Variants in NRG3 observed in about 807,000 individuals in gnomAD.
The protein encoded by NRG3 is pro-neuregulin-3, membrane-bound isoform.
A neutral mutation model predicts 66.9 loss-of-function variants in NRG3; 31 were observed. The observed-to-expected ratio is 0.46, with a 90% CI of 0.35 to 0.63. The LOEUF (loss-of-function observed/expected upper bound fraction) is 0.63, where lower values mean the gene tolerates loss of function less well. Ranked by LOEUF, NRG3 falls within the 20% of genes least tolerant of loss-of-function variation. The probability of loss-of-function intolerance (pLI) is 0.00; values close to 1 mark genes in which losing one functional copy is unlikely to be tolerated. For synonymous variants in NRG3, 393 were observed against 359.4 expected (o/e 1.09, Z -1.06); for missense variants, 910 against 878.9 (o/e 1.04, Z -0.45).
chr10:82,231,334 A>C (rs953796964), intron 1 of NRG3, among the ~76,000 whole-genome samples: 1 of 152,162 alleles, frequency 6.6e-6, no homozygotes, highest in Non-Finnish European at 1.5e-5. Context: ...GGGTGACAAG[A>C]GCGAGACTCC....
intron 1 of NRG3, among the ~76,000 whole-genome samples, chr10:81,924,507 G>C (rs1436879285): frequency 6.6e-6 from 1 of 152,168 alleles, no homozygotes; most frequent in East Asian, 1.9e-4. Context: ...AAGTTTTCTT[G>C]TGAGCTGTTC....
chr10:82,649,459 CTTTTTTT>C lies in NRG3; in HGVS notation c.954-89097_954-89091del, dbSNP rs71469930. On this transcript the variant is annotated intron_variant, in intron 2 of 8. Transcript: ENST00000372141. ...GCAGTATTGTGCTTTCTGGTGCAGGCTTTTTTTTTTTTTTTTTTTTTTTTTTTCTGAG... is the reference window on the plus strand; with the variant it reads ...GCAGTATTGTGCTTTCTGGTGCAGGCTTTTTTTTTTTTTTTTTTTTCTGAG... Among the ~76,000 whole-genome samples, 318 of 48,782 alleles carry C rather than the reference CTTTTTTT, an allele frequency of 6.5e-3. 3 individuals are homozygous for C. The highest frequency in any genetic ancestry group is 0.028 in the Middle Eastern group (1 of 36). The allele number at this position is 48,782 out of a possible 152,430, so 32.0% of individuals were successfully genotyped here.
intron 2 of NRG3, among the ~76,000 whole-genome samples, chr10:82,430,777 G>T (rs971149306): frequency 5.3e-5 from 8 of 152,070 alleles, no homozygotes; most frequent in African/African-American, 1.9e-4. Flanking sequence ...GTCAGCTAAT[G>T]GTTGGAATAT....
intron 4 of NRG3, among the ~76,000 whole-genome samples, chr10:82,885,750 C>T (rs1054761923): frequency 2.2e-4 from 33 of 152,142 alleles, no homozygotes; most frequent in African/African-American, 7.5e-4. Flanking sequence ...CCTTTTGAGA[C>T]GGGGTTTCAC....
rs78693924 is a variant in NRG3 at position 81,915,496 on chromosome 10, GT to G, written c.823+39347del. 1.8e-3 allele frequency among the ~76,000 whole-genome samples: 232 copies of G among 130,604 alleles called. 3 individuals are homozygous for G. Among genetic ancestry groups the G allele is most frequent in the Non-Finnish European group, 2.4e-3 (152 of 63,132 alleles). The allele number at this position is 130,604 out of a possible 152,430, so 85.7% of individuals were successfully genotyped here. A position where few individuals can be genotyped will look rare whatever the true frequency, so the allele number is the denominator to read the frequency against. On this transcript the variant is annotated intron_variant, in intron 1 of 8. Transcript: ENST00000372141. ...GTTAAAGTCAGCTCACACTTCTTTA[GT>G]TTTTTTTTTTTTTGCCAAAACACAA...
At chr10:82,649,229 C>T (rs975769270) in intron 2 of NRG3, among the ~76,000 whole-genome samples, 2 of 152,110 alleles carry the variant, frequency 1.3e-5, no homozygotes, top group Non-Finnish European at 2.9e-5. Context: ...AAAATGTTTG[C>T]ATTTCAAAGA....
chr10:82,461,333 A>ACCG, intron 2 of NRG3, among the ~76,000 whole-genome samples: 1 of 151,904 alleles, frequency 6.6e-6, no homozygotes, highest in Non-Finnish European at 1.5e-5. Context: ...CACCACCACC[A>ACCG]CCATCACCAC....
At chr10:81,878,907 G>T (rs1841928571) in intron 1 of NRG3, among the ~76,000 whole-genome samples, 2 of 152,188 alleles carry the variant, frequency 1.3e-5, no homozygotes, top group Non-Finnish European at 2.9e-5. Context: ...TCTCTTTGGA[G>T]TGGAAGAGGC....
chr10:81,974,904 ACC>A (rs1212464974), intron 1 of NRG3, among the ~76,000 whole-genome samples: 1 of 152,144 alleles, frequency 6.6e-6, no homozygotes, highest in East Asian at 1.9e-4. Flanking sequence ...TTGTTTAGCC[ACC>A]TGACTTTTAG....
At chr10:82,013,947 C>G (rs945374397) in intron 1 of NRG3, among the ~76,000 whole-genome samples, 19 of 152,006 alleles carry the variant, frequency 1.2e-4, no homozygotes, top group African/African-American at 4.3e-4. Flanking sequence ...TGGTGATGTG[C>G]AAGTCAATAG....
At chr10:81,931,090 A>G (rs1326193418) in intron 1 of NRG3, among the ~76,000 whole-genome samples, 1 of 152,208 alleles carries the variant, frequency 6.6e-6, no homozygotes, top group African/African-American at 2.4e-5. Flanking sequence ...AAGTTTCAGC[A>G]AACTTCCCTG....
At chr10:82,721,074 T>A in intron 2 of NRG3, among the ~76,000 whole-genome samples, 1 of 150,292 alleles carries the variant, frequency 6.7e-6, no homozygotes, top group East Asian at 1.9e-4. Flanking sequence ...TTATTTTTAT[T>A]TATTTGTTTT....
At chr10:82,919,073 GTGTGTGTGTGTGTGTGTGTGTGTGTGTA>G in intron 4 of NRG3, among the ~76,000 whole-genome samples, 1 of 147,842 alleles carries the variant, frequency 6.8e-6, no homozygotes, top group Non-Finnish European at 1.5e-5. Context: ...GTGTGTGTGT[GTGTGTGTGTGTGTGTGTGTGTGTGTGTA>G]TGTGTGTGTG....
intron 1 of NRG3, among the ~76,000 whole-genome samples, chr10:82,214,116 T>A (rs2075545916): frequency 6.6e-6 from 1 of 152,174 alleles, no homozygotes; most frequent in Non-Finnish European, 1.5e-5. Flanking sequence ...AAATATTCAC[T>A]GAGACTCCCT....
At chr10:82,894,093 C>T (rs73309587) in intron 4 of NRG3, among the ~76,000 whole-genome samples, 10,065 of 152,184 alleles carry the variant, frequency 0.066, 552 homozygotes, top group African/African-American at 0.15. Context: ...AAAGAGGAAA[C>T]ATCCCAAAAT....
chr10:82,566,832 G>T (rs1350164043), intron 2 of NRG3, among the ~76,000 whole-genome samples: 1 of 151,936 alleles, frequency 6.6e-6, no homozygotes, highest in Non-Finnish European at 1.5e-5. Flanking sequence ...GAAACATAAT[G>T]GGCTTTGTTA....
intron 1 of NRG3, among the ~76,000 whole-genome samples, chr10:82,115,897 C>A (rs1309379837): frequency 1.3e-5 from 2 of 152,084 alleles, no homozygotes; most frequent in Non-Finnish European, 2.9e-5. Context: ...TCCAACTCTC[C>A]TACATGGATG....
At chr10:82,493,575 G>C (rs11194695) in intron 2 of NRG3, among the ~76,000 whole-genome samples, 6,844 of 152,218 alleles carry the variant, frequency 0.045, 242 homozygotes, top group Non-Finnish European at 0.074. Context: ...GTTGTGAATA[G>C]TGCTGCAATG....
At chr10:82,771,907 T>C (rs910065562) in intron 3 of NRG3, among the ~76,000 whole-genome samples, 1 of 152,198 alleles carries the variant, frequency 6.6e-6, no homozygotes, top group Non-Finnish European at 1.5e-5. Flanking sequence ...TTTCTCCCTC[T>C]TACTTAACAC....
Sources: allele counts gnomAD v4.1 joint callset (sites outside exome capture counted in the v4.1 genomes callset), GRCh38; gene constraint gnomAD v4.1.1; transcripts MANE v1.5; gene names NCBI Gene and HGNC (gene_info 2026-07-23, HGNC 2026-07-21).